Variants in ASAP1 observed in about 807,000 individuals in gnomAD.
ASAP1 encodes arf-GAP with SH3 domain, ANK repeat and PH domain-containing protein 1.
A neutral mutation model predicts 145.2 loss-of-function variants in ASAP1; 43 were observed. That is an observed-to-expected ratio of 0.30 (90% confidence interval 0.23 to 0.38). ASAP1 has a LOEUF of 0.38. ASAP1 is among the 10% of genes least tolerant of loss of function. The pLI, the probability that ASAP1 is intolerant of heterozygous loss-of-function variation, is 1.00. For missense variants in ASAP1, 1,018 were observed against 1,355.3 expected, an observed-to-expected ratio of 0.75 and a Z score of 3.91; for synonymous variants, 546 against 515.5, an observed-to-expected ratio of 1.06 and a Z score of -0.80.
At chr8:130,158,628 T>A (rs1396883765) in intron 12 of ASAP1, among the ~76,000 whole-genome samples, 1 of 152,042 alleles carries the variant, frequency 6.6e-6, no homozygotes, top group Non-Finnish European at 1.5e-5. Flanking sequence ...TGTGGCAGGA[T>A]CAGGGGAGAA....
chr8:130,422,428 A>G (rs1829757181), intron 1 of ASAP1, among the ~76,000 whole-genome samples: 1 of 152,178 alleles, frequency 6.6e-6, no homozygotes, highest in Non-Finnish European at 1.5e-5. Context: ...GTAAATTCCC[A>G]GGCTCGGATC....
chr8:130,306,139 A>C (rs749147770), intron 3 of ASAP1, among the ~76,000 whole-genome samples: 1 of 152,220 alleles, frequency 6.6e-6, no homozygotes, highest in African/African-American at 2.4e-5. Context: ...TTTCATATAA[A>C]GAATGGTGAT....
chr8:130,356,946 C>G (rs1433598442), intron 3 of ASAP1, among the ~76,000 whole-genome samples: 1 of 152,184 alleles, frequency 6.6e-6, no homozygotes, highest in African/African-American at 2.4e-5. Flanking sequence ...ATAACCCACC[C>G]AGGGAAAACC....
At chr8:130,433,745 T>C (rs1830214847) in intron 1 of ASAP1, among the ~76,000 whole-genome samples, 1 of 152,226 alleles carries the variant, frequency 6.6e-6, no homozygotes, top group African/African-American at 2.4e-5. Flanking sequence ...TGAAACCCAC[T>C]AATTTTTGTT....
rs191199415 is a variant in ASAP1 at position 130,115,678 on chromosome 8, T to G, written c.2122A>C (p.Asn708His). ...TCATCTATCTCCTCCTGTCGAAGAT[T>G]CCACTCATATTCTACGTGGACGTGT... ...NPHVHVEYEWNLRQEEIDESD... is the reference protein window; with the variant it reads ...NPHVHVEYEWHLRQEEIDESD... The change falls in exon 23 of 30, where the codon AAT (asparagine) becomes CAT (histidine). Residue 708 changes from asparagine (N) to histidine (H), a missense_variant. Asn to His is a moderately conservative substitution (Grantham distance 68, BLOSUM62 1). Coordinates refer to ENST00000518721, the MANE Select transcript of ASAP1 (RefSeq NM_018482.4). 1.9e-5 allele frequency: 31 copies of G among 1,614,228 alleles called. No homozygotes were observed. The East Asian group carries it at 6.5e-4, about 34-fold the overall frequency.
chr8:130,344,968 T>C (rs1027210085), intron 3 of ASAP1, among the ~76,000 whole-genome samples: 1 of 152,164 alleles, frequency 6.6e-6, no homozygotes, highest in Non-Finnish European at 1.5e-5. Context: ...TGACAAAACA[T>C]CTCCAGCATA....
At chr8:130,432,635 T>A (rs1442149386) in intron 1 of ASAP1, among the ~76,000 whole-genome samples, 1 of 152,070 alleles carries the variant, frequency 6.6e-6, no homozygotes, top group Admixed American at 6.6e-5. Flanking sequence ...CAACACATCC[T>A]CCCTAAGCTA....
At chr8:130,055,535 T>TAAA (rs5895033) in intron 29 of ASAP1, among the ~76,000 whole-genome samples, 19 of 121,596 alleles carry the variant, frequency 1.6e-4, no homozygotes, top group African/African-American at 2.5e-4. Flanking sequence ...TTCTAGCCAG[T>TAAA]AAAAAAAAAA....
intron 3 of ASAP1, among the ~76,000 whole-genome samples, chr8:130,353,158 T>A (rs574862306): frequency 3.9e-4 from 60 of 152,344 alleles, no homozygotes; most frequent in African/African-American, 1.4e-3. Context: ...AGTTTTAGCC[T>A]TATTTCTTTA....
At chr8:130,314,989 C>T (rs1425246072) in intron 3 of ASAP1, among the ~76,000 whole-genome samples, 2 of 152,142 alleles carry the variant, frequency 1.3e-5, no homozygotes, top group South Asian at 2.1e-4. Flanking sequence ...TTTCGGTTAC[C>T]GATTTGTAAA....
intron 27 of ASAP1, among the ~76,000 whole-genome samples, chr8:130,064,379 C>A (rs997442879): frequency 2.6e-5 from 4 of 152,114 alleles, no homozygotes; most frequent in African/African-American, 9.7e-5. Context: ...GAGCTAAGCA[C>A]CTCTCTCAGG....
intron 3 of ASAP1, among the ~76,000 whole-genome samples, chr8:130,313,450 G>A (rs1337863225): frequency 2.0e-5 from 3 of 152,116 alleles, no homozygotes; most frequent in African/African-American, 7.2e-5. Flanking sequence ...TGCAATAATA[G>A]GTCAGAGAAG....
intron 2 of ASAP1, among the ~76,000 whole-genome samples, chr8:130,387,926 G>A (rs1230211790): frequency 3.3e-5 from 5 of 152,234 alleles, no homozygotes; most frequent in Non-Finnish European, 5.9e-5. Context: ...GGAGCTTATA[G>A]TCTGGTGGGG....
intron 27 of ASAP1, among the ~76,000 whole-genome samples, chr8:130,072,824 T>TGTGTGTGTGTGTGTGTGTGTGTGTGTGC: frequency 2.2e-4 from 7 of 32,308 alleles, no homozygotes; most frequent in Admixed American, 3.6e-4. Context: ...TGTGTGTGTG[T>TGTGTGTGTGTGTGTGTGTGTGTGTGTGC]GCGCGCGGGG....
At chr8:130,387,302 G>A (rs189643738) in intron 2 of ASAP1, among the ~76,000 whole-genome samples, 5 of 152,302 alleles carry the variant, frequency 3.3e-5, no homozygotes, top group Admixed American at 2.6e-4. Context: ...TGGGGAGGCC[G>A]AGGTGGGCAG....
chr8:130,387,705 G>GTA (rs1469634966), intron 2 of ASAP1, among the ~76,000 whole-genome samples: 3 of 148,956 alleles, frequency 2.0e-5, no homozygotes, highest in Middle Eastern at 3.6e-3. Flanking sequence ...TTAACCACTT[G>GTA]TATATATATA....
intron 5 of ASAP1, among the ~76,000 whole-genome samples, chr8:130,191,745 A>G (rs1403136493): frequency 3.3e-5 from 5 of 152,192 alleles, no homozygotes; most frequent in Non-Finnish European, 4.4e-5. Flanking sequence ...TAATATGTGT[A>G]AAAAGTGCTA....
At position 130,202,561 on chromosome 8, in the gene ASAP1, T is replaced by C. The variant is rs114907639; in HGVS notation, c.405+11995A>G. ...CACCCTTTATCAAGTATATCAACCA[T>C]TGCTTAATATTATTTAATGTTTCTA... On this transcript the variant is annotated intron_variant, in intron 5 of 29. Transcript: ENST00000518721. Among the ~76,000 whole-genome samples the C allele has an allele frequency of 8.1e-3, 1,226 of 152,294 alleles. 21 individuals are homozygous for C. Among genetic ancestry groups the C allele is most frequent in the African/African-American group, 0.028 (1,173 of 41,554 alleles).
chr8:130,210,699 C>A (rs1816526726), intron 5 of ASAP1, among the ~76,000 whole-genome samples: 1 of 152,206 alleles, frequency 6.6e-6, no homozygotes, highest in Non-Finnish European at 1.5e-5. Flanking sequence ...GGCAGCATCA[C>A]TGAAACAAGG....
Sources: gnomAD v4.1 joint callset for allele counts (sites outside exome capture counted in the v4.1 genomes callset) on GRCh38, gnomAD v4.1.1 for gene constraint, MANE v1.5 for transcripts, NCBI Gene and HGNC (gene_info 2026-07-23, HGNC 2026-07-21) for gene names.